Variants in NHSL2 observed in about 807,000 individuals in gnomAD.
NHSL2 encodes the protein NHS-like protein 2.
In NHSL2, 27 loss-of-function variants were observed where a neutral mutation model predicts 53.4. The ratio of observed to expected loss-of-function variants is 0.51; its 90% confidence interval spans 0.37 to 0.70. The LOEUF (loss-of-function observed/expected upper bound fraction) is 0.70. NHSL2 is among the 30% of genes least tolerant of loss of function. The probability of loss-of-function intolerance (pLI) is 0.00; values close to 1 mark genes in which losing one functional copy is unlikely to be tolerated. For synonymous variants in NHSL2, 408 were observed against 404.1 expected (o/e 1.01, Z -0.12); for missense variants, 892 against 980.1 (o/e 0.91, Z 1.20).
chrX:72,131,164 G>C lies in NHSL2; in HGVS notation c.281-915G>C. 3 of 1,180,386 alleles carry C rather than the reference G, an allele frequency of 2.5e-6. No individual in the cohort carries two copies. Among genetic ancestry groups the C allele is most frequent in the African/African-American group, 1.8e-5 (1 of 56,733 alleles). On this transcript the variant is annotated intron_variant, in intron 1 of 7. Coordinates refer to ENST00000633930, the MANE Select transcript of NHSL2 (RefSeq NM_001013627.3). ...GGGCGGAGGCAGCGCCGGCGGGGGC[G>C]GGATGGGCAGCAGAGGGGGGTCAGC...
chrX:71,946,111 A>G (rs1426663654), intron 1 of NHSL2, among the ~76,000 whole-genome samples: 1 of 111,904 alleles, frequency 8.9e-6, no homozygotes, highest in Non-Finnish European at 1.9e-5. Flanking sequence ...GCAGGCAGTG[A>G]TAGGACAGGG....
intron 1 of NHSL2, among the ~76,000 whole-genome samples, chrX:71,924,369 A>G (rs999896216): frequency 8.9e-6 from 1 of 111,793 alleles, no homozygotes; most frequent in African/African-American, 3.3e-5. Context: ...TGTTCCTGCT[A>G]TACTTTTTTC....
chrX:72,084,166 C>G (rs1001765965), intron 1 of NHSL2, among the ~76,000 whole-genome samples: 1 of 112,332 alleles, frequency 8.9e-6, no homozygotes, highest in Non-Finnish European at 1.9e-5. Context: ...ATCCTCCACC[C>G]TTGGTTGCCA....
intron 1 of NHSL2, among the ~76,000 whole-genome samples, chrX:72,063,322 A>G (rs191594449): frequency 4.2e-3 from 470 of 112,650 alleles, no homozygotes; most frequent in Admixed American, 8.9e-3. Context: ...GGCCCAAAAT[A>G]CAAAGTGTTC....
chrX:71,995,073 A>G (rs756108724), intron 1 of NHSL2, among the ~76,000 whole-genome samples: 40 of 111,918 alleles, frequency 3.6e-4, no homozygotes, highest in Admixed American at 3.6e-3. Context: ...CAACTTTCCA[A>G]TTGCTCAAGA....
At chrX:72,050,892 A>G (rs1248469192) in intron 1 of NHSL2, among the ~76,000 whole-genome samples, 7 of 105,687 alleles carry the variant, frequency 6.6e-5, no homozygotes, top group Non-Finnish European at 1.4e-4. Flanking sequence ...CCATCTATCA[A>G]AAAAAAAAAA....
intron 1 of NHSL2, among the ~76,000 whole-genome samples, chrX:71,969,298 CTTTTTTTCTTTTT>C (rs1224284117): frequency 0.011 from 954 of 90,513 alleles, 43 homozygotes; most frequent in Admixed American, 0.084. Context: ...GAACGGTTTT[CTTTTTTTCTTTTT>C]TTTTTTTCTT....
At chrX:72,065,221 AG>A (rs1167137561) in intron 1 of NHSL2, among the ~76,000 whole-genome samples, 1 of 111,932 alleles carries the variant, frequency 8.9e-6, no homozygotes, top group East Asian at 2.8e-4. Flanking sequence ...CTGCATGAGC[AG>A]GGTAGCTTGG....
At chrX:72,141,407 A>C (rs936897450) in intron 6 of NHSL2, 1 of 122,928 alleles carries the variant, frequency 8.1e-6, no homozygotes, top group Admixed American at 9.4e-5. Flanking sequence ...AGTACCCATA[A>C]CATTTACCAT....
intron 1 of NHSL2, among the ~76,000 whole-genome samples, chrX:71,950,793 G>A (rs1463057116): frequency 1.8e-5 from 2 of 111,543 alleles, no homozygotes; most frequent in Admixed American, 9.5e-5. Context: ...ATTTCTGTGG[G>A]TGGGTGTCAG....
rs1387095290 is a variant in NHSL2 at position 71,911,189 on chromosome X, C to G, written c.102C>G (p.Leu34=). 8.7e-7 allele frequency: 1 copy of G among 1,145,342 alleles called. No homozygotes were observed. Among genetic ancestry groups the G allele is most frequent in the Non-Finnish European group, 1.2e-6 (1 of 867,643 alleles). 94.4% of individuals were successfully genotyped at this position (1,145,342 alleles called of 1,213,427 possible). ...ELRDVSHLAA[L]SLLRQLADLC... The stretch of plus-strand genomic sequence containing the variant: ...GCGACGTGAGCCACCTGGCAGCGCT[C>G]AGCCTGCTCCGGCAGCTCGCCGACC... The change falls in exon 1 of 8, where the codon CTC becomes CTG. Residue 34 remains leucine, a synonymous_variant. Coordinates refer to ENST00000633930, the MANE Select transcript of NHSL2 (RefSeq NM_001013627.3).
chrX:71,927,493 G>A (rs776857074), intron 1 of NHSL2, among the ~76,000 whole-genome samples: 4 of 111,901 alleles, frequency 3.6e-5, no homozygotes, highest in Non-Finnish European at 7.5e-5. Flanking sequence ...GAAGTGCTTG[G>A]GCCTTGGGGC....
intron 1 of NHSL2, among the ~76,000 whole-genome samples, chrX:72,017,558 C>T (rs1313227325): frequency 8.9e-6 from 1 of 112,547 alleles, no homozygotes; most frequent in Non-Finnish European, 1.9e-5. Flanking sequence ...GAAGTAGGGG[C>T]TGGCTTAGGG....
At chrX:71,986,786 T>C (rs1308179928) in intron 1 of NHSL2, among the ~76,000 whole-genome samples, 2 of 111,828 alleles carry the variant, frequency 1.8e-5, no homozygotes, top group African/African-American at 6.5e-5. Flanking sequence ...CAAATCAGTA[T>C]GCTTTTAGTC....
chrX:72,085,259 C>G (rs148857298), intron 1 of NHSL2, among the ~76,000 whole-genome samples: 1 of 112,084 alleles, frequency 8.9e-6, no homozygotes, highest in Non-Finnish European at 1.9e-5. Context: ...CTCTCAAAGA[C>G]ACATGCAGTT....
chrX:72,140,534 A>C lies in NHSL2; in HGVS notation c.2986A>C (p.Lys996Gln). 1 of 1,211,105 alleles carries C rather than the reference A, an allele frequency of 8.3e-7. No individual in the cohort carries two copies. The highest frequency in any genetic ancestry group is 1.1e-6 in the Non-Finnish European group (1 of 895,212). The part of the protein sequence containing the change: ...SLQSQEEAEK[K>Q]KGKIPPPVPK... The stretch of plus-strand genomic sequence containing the variant: ...CCAGAGCCAGGAAGAAGCTGAGAAA[A>C]AGAAAGGCAAGATTCCACCTCCCGT... The change falls in exon 6 of 8, where the codon AAG becomes CAG. Residue 996 changes from lysine (K) to glutamine (Q), a missense_variant. Physicochemically the swap from Lys to Gln is moderately conservative, Grantham distance 53. Transcript: ENST00000633930.
chrX:71,965,029 T>C (rs2041895227), intron 1 of NHSL2, among the ~76,000 whole-genome samples: 2 of 111,859 alleles, frequency 1.8e-5, no homozygotes, highest in South Asian at 3.7e-4. Flanking sequence ...GTAGGAGGTA[T>C]ATGGAAACTC....
intron 1 of NHSL2, among the ~76,000 whole-genome samples, chrX:72,110,684 G>C (rs2042084059): frequency 1.0e-5 from 1 of 95,488 alleles, no homozygotes; most frequent in African/African-American, 4.0e-5. Flanking sequence ...ACAGGACGCT[G>C]AACGGCTTGT....
chrX:72,053,071 A>G (rs151212235), intron 1 of NHSL2, among the ~76,000 whole-genome samples: 2,940 of 112,057 alleles, frequency 0.026, 98 homozygotes, highest in African/African-American at 0.092. Flanking sequence ...ATAACAATAC[A>G]TCCTAAATTG....
Sources: allele counts gnomAD v4.1 joint callset (sites outside exome capture counted in the v4.1 genomes callset), GRCh38; gene constraint gnomAD v4.1.1; transcripts MANE v1.5; gene names NCBI Gene and HGNC (gene_info 2026-07-23, HGNC 2026-07-21).